LARP1B: variants seen among roughly 807,000 people sequenced by gnomAD.
LARP1B encodes the protein La ribonucleoprotein 1B, also known as la-related protein 1B.
In LARP1B, 76 loss-of-function variants were observed where a neutral mutation model predicts 114.2. The observed-to-expected ratio is 0.67, with a 90% confidence interval of 0.55 to 0.81. The LOEUF is 0.81. Among genes scored for constraint, LARP1B ranks in the 30% least tolerant of loss-of-function variants. The pLI, the probability that LARP1B is intolerant of heterozygous loss-of-function variation, is 0.00. For synonymous variants in LARP1B, 345 were observed against 348.0 expected, an observed-to-expected ratio of 0.99 and a Z score of 0.10; for missense variants, 1,014 against 1,075.8, an observed-to-expected ratio of 0.94 and a Z score of 0.80.
chr4:128,212,562 G>T (rs141619350), downstream of LARP1B, among the ~76,000 whole-genome samples: 2,017 of 152,076 alleles, frequency 0.013, 41 homozygotes, highest in African/African-American at 0.045. Flanking sequence ...CAGGAGAATC[G>T]CTTGAACCCA....
intron 10 of LARP1B, among the ~76,000 whole-genome samples, chr4:128,121,570 T>C (rs1034693859): frequency 2.6e-5 from 4 of 152,246 alleles, no homozygotes; most frequent in African/African-American, 9.6e-5. Flanking sequence ...CAGTGCAATG[T>C]AATGGATGAT....
chr4:128,171,396 G>T (rs962806960), intron 12 of LARP1B, among the ~76,000 whole-genome samples: 1 of 152,070 alleles, frequency 6.6e-6, no homozygotes, highest in African/African-American at 2.4e-5. Flanking sequence ...GCCTCCCAAA[G>T]TGCTGGGATT....
At chr4:128,135,142 T>TAAAA (rs528090120) in intron 11 of LARP1B, among the ~76,000 whole-genome samples, 9 of 139,808 alleles carry the variant, frequency 6.4e-5, no homozygotes, top group South Asian at 4.6e-4. Context: ...AATAAATAAA[T>TAAAA]AAAAAGGATA....
At chr4:128,219,116 A>AAT (rs1462640166) in intron 6 of LARP1B, among the ~76,000 whole-genome samples, 2 of 151,220 alleles carry the variant, frequency 1.3e-5, no homozygotes, top group African/African-American at 4.9e-5. Context: ...CAGCAGTTAG[A>AAT]ATGGCAATCA....
At chr4:128,078,168 C>G (rs1768755908) in intron 4 of LARP1B, among the ~76,000 whole-genome samples, 1 of 152,026 alleles carries the variant, frequency 6.6e-6, no homozygotes, top group Non-Finnish European at 1.5e-5. Context: ...GTATTCTATG[C>G]AAGAAAATGG....
rs1052390200 is a variant in LARP1B at position 128,199,500 on chromosome 4, C to T, written c.2065C>T (p.His689Tyr). ...AGCAGGAAGTTATGGATGTACTCCT[C>T]ATTCATTCCCAAAGTTCCAGCATCC... ...PLAGSYGCTP[H>Y]SFPKFQHPSH... The change falls in exon 16 of 20, where the codon CAT (histidine) becomes TAT (tyrosine). Residue 689 changes from histidine to tyrosine, a missense_variant. Physicochemically the swap from His to Tyr is moderately conservative, Grantham distance 83. Coordinates refer to ENST00000326639, the MANE Select transcript of LARP1B (RefSeq NM_018078.4). 2 of 1,605,440 alleles carry T rather than the reference C, an allele frequency of 1.2e-6. No homozygotes were observed. Among genetic ancestry groups the T allele is most frequent in the Admixed American group, 1.7e-5 (1 of 59,468 alleles).
intron 4 of LARP1B, among the ~76,000 whole-genome samples, chr4:128,079,830 G>T (rs555558692): frequency 1.3e-5 from 2 of 152,268 alleles, no homozygotes; most frequent in East Asian, 1.9e-4. Context: ...CTCCCAAAGT[G>T]CTGGGATTAG....
intron 8 of LARP1B, among the ~76,000 whole-genome samples, chr4:128,105,601 C>A (rs1580445794): frequency 1.3e-5 from 2 of 152,230 alleles, no homozygotes; most frequent in East Asian, 3.9e-4. Context: ...TTAAAGGAAT[C>A]CCCAATTATG....
chr4:128,196,884 A>T lies in LARP1B; in HGVS notation c.2004-2555A>T, dbSNP rs1754341474. On this transcript the variant is annotated intron_variant, in intron 15 of 19. Transcript: ENST00000326639. ...AACCACAAAAAGGAATGAAATTTTGATTTATGCTGCTACATGGATGAGCTT... is the reference window on the plus strand; with the variant it reads ...AACCACAAAAAGGAATGAAATTTTGTTTTATGCTGCTACATGGATGAGCTT... Among the ~76,000 whole-genome samples the T allele has an allele frequency of 2.6e-5, 4 of 152,324 alleles. No individual in the cohort carries two copies. In the South Asian group the frequency reaches 8.3e-4, roughly 32 times the overall value.
intron 4 of LARP1B, among the ~76,000 whole-genome samples, chr4:128,081,311 T>G (rs917764402): frequency 6.6e-6 from 1 of 151,726 alleles, no homozygotes; most frequent in African/African-American, 2.4e-5. Flanking sequence ...ACTCCTGACC[T>G]TAGGTTATCT....
At chr4:128,100,238 C>T (rs1343525423) in intron 8 of LARP1B, among the ~76,000 whole-genome samples, 1 of 152,052 alleles carries the variant, frequency 6.6e-6, no homozygotes, top group East Asian at 1.9e-4. Context: ...GCCGGGATTA[C>T]AGGCATGAGC....
intron 7 of LARP1B, among the ~76,000 whole-genome samples, chr4:128,221,630 A>G (rs1760044847): frequency 1.3e-5 from 2 of 152,114 alleles, no homozygotes; most frequent in Non-Finnish European, 2.9e-5. Flanking sequence ...GATTCATTAG[A>G]CTTTTATTGT....
At chr4:128,094,397 TTTC>T (rs1359223834) in intron 7 of LARP1B, among the ~76,000 whole-genome samples, 1 of 150,040 alleles carries the variant, frequency 6.7e-6, no homozygotes, top group Non-Finnish European at 1.5e-5. Context: ...TCTTTTTCTT[TTTC>T]TTTTTTTTTT....
At chr4:128,086,455 A>G (rs903408685) in intron 5 of LARP1B, among the ~76,000 whole-genome samples, 1 of 152,014 alleles carries the variant, frequency 6.6e-6, no homozygotes, top group Non-Finnish European at 1.5e-5. Context: ...TAGCCTCCTC[A>G]GTAGCTGGGA....
intron 5 of LARP1B, among the ~76,000 whole-genome samples, chr4:128,082,586 G>C (rs1484186043): frequency 1.3e-5 from 2 of 151,844 alleles, no homozygotes; most frequent in East Asian, 3.9e-4. Context: ...ATCCATTCTG[G>C]GATCACCCAT....
intron 1 of LARP1B, among the ~76,000 whole-genome samples, chr4:128,063,357 G>A (rs1396453063): frequency 6.9e-6 from 1 of 144,814 alleles, no homozygotes; most frequent in Non-Finnish European, 1.5e-5. Context: ...GAACCCGGGA[G>A]GTGGAGGTTG....
At chr4:128,084,015 T>G (rs530231092) in intron 5 of LARP1B, among the ~76,000 whole-genome samples, 4 of 143,888 alleles carry the variant, frequency 2.8e-5, no homozygotes, top group African/African-American at 1.1e-4. Flanking sequence ...GCTCCCCACA[T>G]CTCAGACGAT....
At chr4:128,117,910 A>C (rs368727254) in intron 10 of LARP1B, among the ~76,000 whole-genome samples, 63 of 137,252 alleles carry the variant, frequency 4.6e-4, no homozygotes, top group African/African-American at 1.6e-3. Flanking sequence ...TTAAACAGAA[A>C]ATCTTTTTTT....
At chr4:128,064,644 T>A (rs1312407973) in intron 1 of LARP1B, among the ~76,000 whole-genome samples, 1 of 152,196 alleles carries the variant, frequency 6.6e-6, no homozygotes, top group Admixed American at 6.6e-5. Context: ...TCATCTTATT[T>A]GCTGTTTCAC....
Sources: allele counts gnomAD v4.1 joint callset (sites outside exome capture counted in the v4.1 genomes callset), GRCh38; gene constraint gnomAD v4.1.1; transcripts MANE v1.5; gene names NCBI Gene and HGNC (gene_info 2026-07-23, HGNC 2026-07-21).